Variants in ZNF462 observed in about 807,000 individuals in gnomAD.
ZNF462 encodes the protein zinc finger protein 462.
A neutral mutation model predicts 201.9 loss-of-function variants in ZNF462; 10 were observed. That is an observed-to-expected ratio of 0.05 (90% CI 0.03 to 0.08). ZNF462 has a LOEUF of 0.08. ZNF462 is among the 10% of genes least tolerant of loss of function. ZNF462 has a pLI of 1.00. For missense variants in ZNF462, 2,523 were observed against 3,168.3 expected (o/e 0.80, Z 4.89); for synonymous variants, 1,227 against 1,193.3 (o/e 1.03, Z -0.58).
At chr9:106,997,164 G>C (rs544506333) in intron 10 of ZNF462, among the ~76,000 whole-genome samples, 1 of 152,076 alleles carries the variant, frequency 6.6e-6, no homozygotes, top group East Asian at 1.9e-4. Context: ...ACATATGTAA[G>C]GTGTACAATG....
rs1830206023 is a variant in ZNF462, at chr9:106,926,676, G to A, written c.2764G>A (p.Asp922Asn). The A allele has an allele frequency of 2.5e-6, 4 of 1,613,902 alleles. No individual in the cohort carries two copies. Among genetic ancestry groups the A allele is most frequent in the Non-Finnish European group, 3.4e-6 (4 of 1,180,014 alleles). Residue 922 changes from aspartate to asparagine, a missense_variant, in exon 3 of 13, where the codon GAC becomes AAC. Asp to Asn is a conservative substitution (Grantham distance 23). Around this residue, in one of 15 missense-constraint regions of ZNF462, gnomAD observed 280 missense variants for 321.3 expected, o/e 0.87. Coordinates refer to ENST00000277225, the MANE Select transcript of ZNF462 (RefSeq NM_021224.6). The surrounding 1 kb of genome is among the most constrained non-coding windows in gnomAD (Gnocchi z 7.9). Reference protein sequence around the residue: ...AMNVLNFDHSDLIYRCRFCSY... With the variant: ...AMNVLNFDHSNLIYRCRFCSY... ...GAATGTACTCAACTTTGATCACTCG[G>A]ACCTGATCTACCGGTGTCGGTTTTG... is the stretch of plus-strand genomic sequence containing the variant.
rs141816471 is a variant in ZNF462 at position 106,938,200 on chromosome 9, G to C, written c.6236-716G>C. ...TAAAAGTAGTGCTTATTTTTACTGA[G>C]AGGCAGTCTTTATTGAAGAATATTG... On this transcript the variant is annotated intron_variant, in intron 6 of 12. Transcript: ENST00000277225. The surrounding 1 kb of genome is among the most constrained non-coding windows in gnomAD (Gnocchi z 4.4). Among the ~76,000 whole-genome samples, 92 of 152,268 alleles carry C rather than the reference G, an allele frequency of 6.0e-4. 1 individual carries two copies. In the East Asian group the frequency reaches 0.017, roughly 28 times the overall value.
At chr9:106,879,333 C>CA (rs1041743947) in intron 1 of ZNF462, among the ~76,000 whole-genome samples, 8 of 30,268 alleles carry the variant, frequency 2.6e-4, no homozygotes, top group African/African-American at 4.6e-4. Context: ...ATGCTTTCCA[C>CA]CCCCCCCCCC....
chr9:106,935,029 TC>T lies in ZNF462; in HGVS notation c.6117-473del, dbSNP rs1830574351. Among the ~76,000 whole-genome samples the T allele has an allele frequency of 1.3e-5, 2 of 152,190 alleles. No individual in the cohort carries two copies. The highest frequency in any genetic ancestry group is 4.1e-4 in the South Asian group (2 of 4,820). ...AAACCTCCCTTCCTCACTCTAGTGT[TC>T]ACAATGAAAGTAGAATTAGAATTCA... On this transcript the variant is annotated intron_variant, in intron 5 of 12. Coordinates refer to ENST00000277225, the MANE Select transcript of ZNF462 (RefSeq NM_021224.6). This position sits in a 1 kb window ranked among gnomAD's most constrained non-coding sequence, Gnocchi z 4.1.
chr9:106,957,954 C>T (rs990184311), intron 7 of ZNF462, among the ~76,000 whole-genome samples: 2 of 152,032 alleles, frequency 1.3e-5, no homozygotes, highest in African/African-American at 4.8e-5. Context: ...CCTTTCTTTC[C>T]TTCCCATAGG....
rs775064915 is a variant in ZNF462 at position 106,993,420 on chromosome 9, AAAC to A, written c.7056+9013_7056+9015del. ...TCAGAACCCTCATTTTATAGGTGAT[AAAC>A]ACAATCTTTCCTCCTAGATCTTTAT... On this transcript the variant is annotated intron_variant, in intron 10 of 12. Coordinates refer to ENST00000277225, the MANE Select transcript of ZNF462 (RefSeq NM_021224.6). The surrounding 1 kb of genome is among the most constrained non-coding windows in gnomAD (Gnocchi z 4.0). 5.3e-4 allele frequency among the ~76,000 whole-genome samples: 80 copies of A among 152,154 alleles called. No homozygotes were observed. Among genetic ancestry groups the A allele is most frequent in the Non-Finnish European group, 9.9e-4 (67 of 68,018 alleles).
At chr9:106,911,525 T>A (rs1380622129) in intron 1 of ZNF462, among the ~76,000 whole-genome samples, 1 of 152,214 alleles carries the variant, frequency 6.6e-6, no homozygotes, top group Non-Finnish European at 1.5e-5. Context: ...CTGATTCAAG[T>A]CTTGGGTGGA....
At position 106,872,349 on chromosome 9, in the gene ZNF462, T is replaced by C. The variant is rs1179186197; in HGVS notation, c.-31+8994T>C. 6.6e-6 allele frequency among the ~76,000 whole-genome samples: 1 copy of C among 152,200 alleles called. No individual in the cohort carries two copies. The highest frequency in any genetic ancestry group is 6.5e-5 in the Admixed American group (1 of 15,288). The stretch of plus-strand genomic sequence containing the variant: ...ACAATAAGTGAGAAGGGAGTCTTTG[T>C]AGAAGAGACCATTTTCTTTTTTCTT... On this transcript the variant is annotated intron_variant, in intron 1 of 12. Transcript: ENST00000277225. The surrounding 1 kb of genome is among the most constrained non-coding windows in gnomAD (Gnocchi z 4.5).
At chr9:106,884,376 G>A (rs866953533) in intron 1 of ZNF462, among the ~76,000 whole-genome samples, 1 of 152,164 alleles carries the variant, frequency 6.6e-6, no homozygotes, top group African/African-American at 2.4e-5. Context: ...TTGAGCTATG[G>A]AATAGGCTTT....
At position 107,003,669 on chromosome 9, in the gene ZNF462, T is replaced by C. The variant is rs1829353219; in HGVS notation, c.7189+243T>C. On this transcript the variant is annotated intron_variant, in intron 11 of 12. Coordinates refer to ENST00000277225, the MANE Select transcript of ZNF462 (RefSeq NM_021224.6). The surrounding 1 kb of genome is among the most constrained non-coding windows in gnomAD (Gnocchi z 4.4). ...TTATAGATATATGTTTGTTGAAAAA[T>C]AGATGGCAGTGATTTGTTTTTAATA... Among the ~76,000 whole-genome samples the C allele has an allele frequency of 1.3e-5, 2 of 152,068 alleles. No individual in the cohort carries two copies. The highest frequency in any genetic ancestry group is 2.9e-5 in the Non-Finnish European group (2 of 68,012).
At position 106,932,360 on chromosome 9, in the gene ZNF462, G is replaced by A. The variant is rs1413103814; in HGVS notation, c.6013-86G>A. ...GTGGGCCGGGTGGATGGTGAACACT[G>A]CTTGCTTGATGGAATGTTGGAGGAT... On this transcript the variant is annotated intron_variant, in intron 4 of 12. Transcript: ENST00000277225. This position sits in a 1 kb window ranked among gnomAD's most constrained non-coding sequence, Gnocchi z 6.8. 6.3e-7 allele frequency: 1 copy of A among 1,594,468 alleles called. No individual in the cohort carries two copies. Among genetic ancestry groups the A allele is most frequent in the South Asian group, 1.1e-5 (1 of 88,524 alleles).
chr9:106,919,584 A>G lies in ZNF462; in HGVS notation c.-30-3770A>G, dbSNP rs993559563. 6.6e-6 allele frequency among the ~76,000 whole-genome samples: 1 copy of G among 152,158 alleles called. No individual in the cohort carries two copies. Among genetic ancestry groups the G allele is most frequent in the Non-Finnish European group, 1.5e-5 (1 of 68,022 alleles). ...GAGTTTGTCAAACATAAACAATTGGATTGTGGGTTTGCCCATCAAAACCCC... is the reference window on the plus strand; with the variant it reads ...GAGTTTGTCAAACATAAACAATTGGGTTGTGGGTTTGCCCATCAAAACCCC... On this transcript the variant is annotated intron_variant, in intron 1 of 12. Coordinates refer to ENST00000277225, the MANE Select transcript of ZNF462 (RefSeq NM_021224.6). This position sits in a 1 kb window ranked among gnomAD's most constrained non-coding sequence, Gnocchi z 4.5.
intron 1 of ZNF462, among the ~76,000 whole-genome samples, chr9:106,879,742 A>G (rs1188834994): frequency 6.6e-6 from 1 of 152,162 alleles, no homozygotes; most frequent in Non-Finnish European, 1.5e-5. Flanking sequence ...TATAATTGCT[A>G]TGTAACTGGA....
Position 106,929,769 on chromosome 9 carries a change from TG to T in ZNF462, c.5847+11del, listed in dbSNP as rs1448618077. Reference sequence around the variant, plus strand: ...TTTCAAACAAGAGAGGGTAAGGATATGTTTTGATTTCCCTTCCCCCAGGAGG... The same window carrying T: ...TTTCAAACAAGAGAGGGTAAGGATATTTTTGATTTCCCTTCCCCCAGGAGG... On this transcript the variant is annotated intron_variant, in intron 3 of 12. Transcript: ENST00000277225. The surrounding 1 kb of genome is among the most constrained non-coding windows in gnomAD (Gnocchi z 8.7). The T allele has an allele frequency of 1.9e-6, 3 of 1,597,290 alleles. No individual in the cohort carries two copies. The highest frequency in any genetic ancestry group is 2.6e-6 in the Non-Finnish European group (3 of 1,170,902).
In ZNF462 at chr9:106,993,594, A is replaced by G. The variant is rs545561728; in HGVS notation, c.7056+9185A>G. ...GGTCCTCTAGAAGGTTGACTAGTGT[A>G]GTCTCTCCCTCCTCTCCCCCTCCCC... is the stretch of plus-strand genomic sequence containing the variant. On this transcript the variant is annotated intron_variant, in intron 10 of 12. Coordinates refer to ENST00000277225, the MANE Select transcript of ZNF462 (RefSeq NM_021224.6). This position sits in a 1 kb window ranked among gnomAD's most constrained non-coding sequence, Gnocchi z 4.0. Among the ~76,000 whole-genome samples, 4 of 151,762 alleles carry G rather than the reference A, an allele frequency of 2.6e-5. No individual in the cohort carries two copies. The highest frequency in any genetic ancestry group is 2.6e-4 in the Admixed American group (4 of 15,210).
Position 107,003,270 on chromosome 9 carries a change from A to G in ZNF462, c.7057-24A>G. On this transcript the variant is annotated intron_variant, in intron 10 of 12. Coordinates refer to ENST00000277225, the MANE Select transcript of ZNF462 (RefSeq NM_021224.6). This position sits in a 1 kb window ranked among gnomAD's most constrained non-coding sequence, Gnocchi z 4.4. The stretch of plus-strand genomic sequence containing the variant: ...CATTTGGTCTGCGGTTTATTATTCC[A>G]TCATTTGTTTGGGCCTTTTTCAGGT... The G allele has an allele frequency of 6.2e-7, 1 of 1,612,728 alleles. No homozygotes were observed. Among genetic ancestry groups the G allele is most frequent in the Non-Finnish European group, 8.5e-7 (1 of 1,179,340 alleles).
At position 106,920,261 on chromosome 9, in the gene ZNF462, C is replaced by T. The variant is rs1237454471; in HGVS notation, c.-30-3093C>T. Among the ~76,000 whole-genome samples the T allele has an allele frequency of 2.0e-5, 3 of 152,134 alleles. No individual in the cohort carries two copies. Among genetic ancestry groups the T allele is most frequent in the Admixed American group, 6.5e-5 (1 of 15,276 alleles). On this transcript the variant is annotated intron_variant, in intron 1 of 12. Coordinates refer to ENST00000277225, the MANE Select transcript of ZNF462 (RefSeq NM_021224.6). The surrounding 1 kb of genome is among the most constrained non-coding windows in gnomAD (Gnocchi z 4.3). ...TGTCTCTGTCCTTCTCTACTCCCTT[C>T]CCCTCCACTTGCTGTCACTTTTTGC... is the stretch of plus-strand genomic sequence containing the variant.
intron 10 of ZNF462, among the ~76,000 whole-genome samples, chr9:107,002,547 G>A (rs1479056805): frequency 1.3e-5 from 2 of 152,094 alleles, no homozygotes; most frequent in Non-Finnish European, 2.9e-5. Context: ...GTAGATTTTT[G>A]TTCCCCTCCA....
chr9:106,957,423 TA>T (rs1284919732), intron 7 of ZNF462, among the ~76,000 whole-genome samples: 2 of 152,140 alleles, frequency 1.3e-5, no homozygotes, highest in African/African-American at 4.8e-5. Context: ...TAACAGAAAT[TA>T]TAATAACATT....
Sources: allele counts gnomAD v4.1 joint callset (sites outside exome capture counted in the v4.1 genomes callset), GRCh38; gene constraint gnomAD v4.1.1; regional missense constraint gnomAD v4.1.1; non-coding constraint Gnocchi (gnomAD v3.1); transcripts MANE v1.5; gene names NCBI Gene and HGNC (gene_info 2026-07-23, HGNC 2026-07-21).